CSNK2A2: variants seen among roughly 807,000 people sequenced by gnomAD.
CSNK2A2 encodes the protein casein kinase 2 alpha 2.
CSNK2A2 carries 8 observed loss-of-function variants against 54.0 expected under a neutral mutation model. The observed-to-expected ratio is 0.15, with a 90% CI of 0.09 to 0.27. The LOEUF (loss-of-function observed/expected upper bound fraction) is 0.27, where lower values mean the gene tolerates loss of function less well. Among genes scored for constraint, CSNK2A2 ranks in the 10% least tolerant of loss-of-function variants. CSNK2A2 has a pLI of 1.00. For synonymous variants in CSNK2A2, 141 were observed against 153.9 expected, an observed-to-expected ratio of 0.92 and a Z score of 0.62; for missense variants, 242 against 439.4, an observed-to-expected ratio of 0.55 and a Z score of 4.02.
Position 58,197,673 on chromosome 16 carries a change from G to A in CSNK2A2, c.64C>T (p.Arg22Cys), listed in dbSNP as rs1165057931. The A allele has an allele frequency of 6.3e-7, 1 of 1,578,170 alleles. No individual in the cohort carries two copies. Among genetic ancestry groups the A allele is most frequent in the Non-Finnish European group, 8.6e-7 (1 of 1,165,302 alleles). Residue 22 changes from arginine (R) to cysteine (C), a missense_variant, in exon 1 of 12, where the codon CGC (arginine) becomes TGC (cysteine). Coordinates refer to ENST00000262506, the MANE Select transcript of CSNK2A2 (RefSeq NM_001896.4). The surrounding 1 kb of genome is among the most constrained non-coding windows in gnomAD (Gnocchi z 4.0). Reference sequence around the variant, plus strand: ...TGAGCCTCGTAGTCCCAGTACTCGCGGCTCCTCAGACTGTTCACCTCGGCG... The same window carrying A: ...TGAGCCTCGTAGTCCCAGTACTCGCAGCTCCTCAGACTGTTCACCTCGGCG... ...VYAEVNSLRS[R>C]EYWDYEAHVP...
intron 2 of CSNK2A2, among the ~76,000 whole-genome samples, chr16:58,187,673 G>A (rs149522026): frequency 2.3e-4 from 35 of 152,346 alleles, no homozygotes; most frequent in African/African-American, 7.9e-4. Flanking sequence ...TCAGAATGGT[G>A]ACCAGAACAC....
chr16:58,196,689 C>T (rs747481222), intron 2 of CSNK2A2, 44 bp downstream of exon 2: 2 of 1,272,010 alleles, frequency 1.6e-6, no homozygotes, highest in Non-Finnish European at 2.3e-6. Flanking sequence ...AAACTTTTGC[C>T]CTGTGGGGAG....
At chr16:58,182,374 CAAAAA>C (rs71155249) in intron 4 of CSNK2A2, among the ~76,000 whole-genome samples, 3,493 of 25,364 alleles carry the variant, frequency 0.14, 52 homozygotes, top group Admixed American at 0.29. Context: ...CTAAATATAC[CAAAAA>C]AAAAAAAAAA....
chr16:58,167,954 G>A (rs1264698165), intron 6 of CSNK2A2, among the ~76,000 whole-genome samples, 159 bp from the exon 7 acceptor site: 1 of 152,148 alleles, frequency 6.6e-6, no homozygotes, highest in African/African-American at 2.4e-5. Context: ...TCGTGCAAGA[G>A]GTCATTTTTA....
chr16:58,167,803 T>A lies in CSNK2A2; in HGVS notation c.514-8A>T. ...CCAATCTATCAGTCGCAGCTACAAA[T>A]AGGACAGAAAAAAACATGTGAAAGG... is the stretch of plus-strand genomic sequence containing the variant. On this transcript the variant is annotated splice_polypyrimidine_tract_variant and splice_region_variant and intron_variant, in intron 6 of 11. Coordinates refer to ENST00000262506, the MANE Select transcript of CSNK2A2 (RefSeq NM_001896.4). 1.9e-6 allele frequency: 3 copies of A among 1,610,314 alleles called. No individual in the cohort carries two copies. The highest frequency in any genetic ancestry group is 2.5e-6 in the Non-Finnish European group (3 of 1,176,624).
At chr16:58,165,072 C>T (rs1260149443) in intron 10 of CSNK2A2, among the ~76,000 whole-genome samples, 1 of 152,222 alleles carries the variant, frequency 6.6e-6, no homozygotes, top group Non-Finnish European at 1.5e-5. Flanking sequence ...TCCACACACA[C>T]TTCTAAGTGA....
chr16:58,180,954 G>A (rs986299119), intron 4 of CSNK2A2, among the ~76,000 whole-genome samples: 2 of 152,164 alleles, frequency 1.3e-5, no homozygotes, highest in Non-Finnish European at 2.9e-5. Flanking sequence ...TTTGTTTGTG[G>A]CCTGCCATAC....
intron 11 of CSNK2A2, chr16:58,162,769 G>GC (rs1190334335): frequency 6.6e-6 from 1 of 152,114 alleles, no homozygotes; most frequent in East Asian, 1.9e-4. Context: ...AATGAAATCA[G>GC]CCCTATTTTT....
At chr16:58,176,312 T>C (rs866845779) in intron 4 of CSNK2A2, among the ~76,000 whole-genome samples, 3 of 152,236 alleles carry the variant, frequency 2.0e-5, no homozygotes, top group African/African-American at 7.2e-5. Context: ...CATGCATCTG[T>C]ATAAATGGTG....
intron 11 of CSNK2A2, chr16:58,162,139 G>C (rs1961398450): frequency 6.6e-6 from 1 of 152,174 alleles, no homozygotes; most frequent in African/African-American, 2.4e-5. Flanking sequence ...ATTGGAGGGG[G>C]AGCAGGAAAG....
intron 5 of CSNK2A2, among the ~76,000 whole-genome samples, chr16:58,171,716 G>A (rs8044793): frequency 0.083 from 12,608 of 151,664 alleles, 1,470 homozygotes; most frequent in African/African-American, 0.26. Flanking sequence ...TCTATAATAC[G>A]GTAGCCACTA....
intron 2 of CSNK2A2, among the ~76,000 whole-genome samples, chr16:58,194,710 AATGACATTAGG>A (rs1438443296): frequency 2.6e-5 from 4 of 152,216 alleles, no homozygotes; most frequent in Non-Finnish European, 5.9e-5. Flanking sequence ...CATTCAACAT[AATGACATTAGG>A]TAAGTTTCTT....
intron 2 of CSNK2A2, among the ~76,000 whole-genome samples, chr16:58,187,421 A>T (rs1962218826): frequency 6.6e-6 from 1 of 152,208 alleles, no homozygotes; most frequent in Non-Finnish European, 1.5e-5. Context: ...AATGTTTTCC[A>T]ACAGATCCCA....
intron 4 of CSNK2A2, among the ~76,000 whole-genome samples, chr16:58,178,494 C>T (rs979360018): frequency 2.0e-5 from 3 of 152,102 alleles, no homozygotes; most frequent in African/African-American, 7.2e-5. Flanking sequence ...GTTGGTCAGG[C>T]TGGTCTCTAA....
chr16:58,171,958 C>CATATATATATATATATATATAT (rs71155247), intron 5 of CSNK2A2, among the ~76,000 whole-genome samples: 17 of 31,318 alleles, frequency 5.4e-4, no homozygotes, highest in East Asian at 1.5e-3. Flanking sequence ...CTGGAGCATG[C>CATATATATATATATATATATAT]ATATATATAT....
chr16:58,197,182 C>A lies in CSNK2A2; in HGVS notation c.105-338G>T. On this transcript the variant is annotated intron_variant, in intron 1 of 11. Coordinates refer to ENST00000262506, the MANE Select transcript of CSNK2A2 (RefSeq NM_001896.4). The surrounding 1 kb of genome is among the most constrained non-coding windows in gnomAD (Gnocchi z 4.0). ...CCAGCACCTGCTTCTCGTTTCACAT[C>A]TTCAAGGTAGACAATGCCTGTTTTA... 1 of 325,302 alleles carries A rather than the reference C, an allele frequency of 3.1e-6. No homozygotes were observed. The highest frequency in any genetic ancestry group is 5.8e-6 in the Non-Finnish European group (1 of 171,802). 20.2% of individuals were successfully genotyped at this position (325,302 alleles called of 1,614,324 possible). A position where few individuals can be genotyped will look rare whatever the true frequency, so the allele number is the denominator to read the frequency against.
At chr16:58,163,448 G>T (rs1184466847) in intron 11 of CSNK2A2, 1 of 152,054 alleles carries the variant, frequency 6.6e-6, no homozygotes, top group Non-Finnish European at 1.5e-5. Flanking sequence ...GGACTCTTGT[G>T]AAAGTGACTG....
chr16:58,165,830 A>T, intron 9 of CSNK2A2, 122 bp from the exon 10 acceptor site: 1 of 1,038,412 alleles, frequency 9.6e-7, no homozygotes, highest in Non-Finnish European at 1.4e-6. Flanking sequence ...TTAAATCTCT[A>T]ACTGGTGCCT....
At chr16:58,160,023 A>G (rs1204395992) in intron 11 of CSNK2A2, 2 of 152,198 alleles carry the variant, frequency 1.3e-5, no homozygotes, top group Non-Finnish European at 2.9e-5. Context: ...ATCCCATCAC[A>G]TCTTTTTCCA....
Sources: gnomAD v4.1 joint callset for allele counts (sites outside exome capture counted in the v4.1 genomes callset) on GRCh38, gnomAD v4.1.1 for gene constraint, Gnocchi (gnomAD v3.1) non-coding constraint, MANE v1.5 for transcripts, NCBI Gene and HGNC (gene_info 2026-07-23, HGNC 2026-07-21) for gene names.